Variants in SUFU observed in about 807,000 individuals in gnomAD.
SUFU encodes suppressor of fused homolog.
In SUFU, 7 loss-of-function variants were observed where a neutral mutation model predicts 58.9. That is an observed-to-expected ratio of 0.12 (90% CI 0.07 to 0.22). The LOEUF (loss-of-function observed/expected upper bound fraction) is 0.22. Ranked by LOEUF, SUFU falls within the 10% of genes least tolerant of loss-of-function variation. The probability of loss-of-function intolerance (pLI) is 1.00; values close to 1 mark genes in which losing one functional copy is unlikely to be tolerated. For missense variants in SUFU, 451 were observed against 641.3 expected (o/e 0.70, Z 3.20); for synonymous variants, 232 against 254.8 (o/e 0.91, Z 0.85).
chr10:102,523,468 C>T (rs559956197), intron 2 of SUFU, among the ~76,000 whole-genome samples: 9 of 152,256 alleles, frequency 5.9e-5, no homozygotes, highest in East Asian at 1.9e-4. Flanking sequence ...CCAGGGGGGT[C>T]GAGCTGGCTG....
At chr10:102,545,599 C>T (rs2062847344) in intron 2 of SUFU, among the ~76,000 whole-genome samples, 1 of 152,180 alleles carries the variant, frequency 6.6e-6, no homozygotes. Context: ...CACGTCCTCT[C>T]TAACACTTAC....
chr10:102,572,752 T>A, intron 3 of SUFU: 1 of 746,284 alleles, frequency 1.3e-6, no homozygotes, highest in Non-Finnish European at 2.5e-6. Flanking sequence ...CCAGCTGGAC[T>A]CAGTTTAAAT....
intron 2 of SUFU, among the ~76,000 whole-genome samples, chr10:102,538,661 G>A (rs1213437812): frequency 1.3e-5 from 2 of 151,722 alleles, no homozygotes; most frequent in African/African-American, 4.8e-5. Context: ...AGCCTCTCCC[G>A]CTGTCAACAT....
chr10:102,583,312 G>A (rs2063301637), intron 3 of SUFU, among the ~76,000 whole-genome samples: 1 of 152,202 alleles, frequency 6.6e-6, no homozygotes, highest in South Asian at 2.1e-4. Flanking sequence ...AGAAGTTTCT[G>A]TTAGTGTCCT....
chr10:102,508,094 T>C (rs1368034674), intron 1 of SUFU, among the ~76,000 whole-genome samples: 2 of 151,138 alleles, frequency 1.3e-5, no homozygotes, highest in African/African-American at 4.9e-5. Context: ...GCCTCTCAAA[T>C]AGCAAATAGC....
At chr10:102,562,853 T>G (rs1209556966) in intron 3 of SUFU, among the ~76,000 whole-genome samples, 1 of 152,194 alleles carries the variant, frequency 6.6e-6, no homozygotes, top group Non-Finnish European at 1.5e-5. Context: ...ATCGTGCCAT[T>G]GCACTCTAGC....
At chr10:102,567,516 G>A (rs2063103944) in intron 3 of SUFU, among the ~76,000 whole-genome samples, 2 of 152,114 alleles carry the variant, frequency 1.3e-5, no homozygotes, top group Non-Finnish European at 2.9e-5. Flanking sequence ...GTTCTTCCCA[G>A]GACTCAAGGA....
At chr10:102,535,713 C>T (rs905658804) in intron 2 of SUFU, among the ~76,000 whole-genome samples, 16 of 152,198 alleles carry the variant, frequency 1.1e-4, no homozygotes, top group African/African-American at 3.6e-4. Flanking sequence ...CAGTAGCCAC[C>T]GTGGCTGGCC....
chr10:102,624,747 G>A (rs2063771284), intron 10 of SUFU, among the ~76,000 whole-genome samples: 1 of 152,176 alleles, frequency 6.6e-6, no homozygotes, highest in Non-Finnish European at 1.5e-5. Context: ...ACCTTTGTCA[G>A]GGGAACCAGC....
At chr10:102,523,384 G>A (rs2062573118) in intron 2 of SUFU, among the ~76,000 whole-genome samples, 1 of 152,162 alleles carries the variant, frequency 6.6e-6, no homozygotes, top group Non-Finnish European at 1.5e-5. Flanking sequence ...TCAACATGAT[G>A]TCAGGCTGCC....
chr10:102,618,931 C>CGCGCGTGTGTGTGTGT (rs370307566), intron 10 of SUFU: 1 of 535,024 alleles, frequency 1.9e-6, no homozygotes, highest in African/African-American at 2.5e-5. Flanking sequence ...CCTCAGGTAG[C>CGCGCGTGTGTGTGTGT]GTGTGTGTGT....
At chr10:102,539,641 C>T (rs1176318313) in intron 2 of SUFU, among the ~76,000 whole-genome samples, 2 of 152,130 alleles carry the variant, frequency 1.3e-5, no homozygotes, top group African/African-American at 2.4e-5. Context: ...GGTGACTTCT[C>T]ATTTGATAAT....
chr10:102,620,543 C>G (rs1216181095), intron 10 of SUFU, among the ~76,000 whole-genome samples: 3 of 152,186 alleles, frequency 2.0e-5, no homozygotes, highest in African/African-American at 7.2e-5. Context: ...GAAGCCAGCT[C>G]CAGTTCCACA....
At chr10:102,550,248 G>A in intron 3 of SUFU, 142 bp downstream of exon 3, 1 of 1,377,198 alleles carries the variant, frequency 7.3e-7, no homozygotes, top group Non-Finnish European at 1.0e-6. Flanking sequence ...AGGATGGCTT[G>A]TTTTGCCTGG....
At chr10:102,560,386 A>G (rs1258080037) in intron 3 of SUFU, among the ~76,000 whole-genome samples, 3 of 152,186 alleles carry the variant, frequency 2.0e-5, no homozygotes, top group East Asian at 3.9e-4. Flanking sequence ...CCTGGCCAAC[A>G]TGATGAAACC....
intron 7 of SUFU, among the ~76,000 whole-genome samples, chr10:102,598,383 G>A (rs1182986285): frequency 2.0e-5 from 3 of 152,074 alleles, no homozygotes; most frequent in East Asian, 1.9e-4. Flanking sequence ...TTAAACTCCT[G>A]AGCTCAAAAC....
chr10:102,533,370 G>A (rs10883731), intron 2 of SUFU, among the ~76,000 whole-genome samples: 15,151 of 151,180 alleles, frequency 0.1, 1,222 homozygotes, highest in East Asian at 0.41. Flanking sequence ...CCAGGAGTTC[G>A]GGACCAGCCT....
rs1426586223 is a variant in SUFU, at chr10:102,625,858, CT to C, written c.1297-1316del. ...CGAGCCGTCCTGTGTGCTCACCTTC[CT>C]GTGTGCACTCCTTCCTTGTTATCTC... is the stretch of plus-strand genomic sequence containing the variant. On this transcript the variant is annotated intron_variant, in intron 10 of 11. Coordinates refer to ENST00000369902, the MANE Select transcript of SUFU (RefSeq NM_016169.4). The surrounding 1 kb of genome is among the most constrained non-coding windows in gnomAD (Gnocchi z 4.7). Among the ~76,000 whole-genome samples the C allele has an allele frequency of 6.6e-6, 1 of 152,200 alleles. No individual in the cohort carries two copies. Among genetic ancestry groups the C allele is most frequent in the East Asian group, 1.9e-4 (1 of 5,196 alleles).
At chr10:102,551,124 A>G (rs1360163860) in intron 3 of SUFU, among the ~76,000 whole-genome samples, 1 of 152,164 alleles carries the variant, frequency 6.6e-6, no homozygotes, top group Non-Finnish European at 1.5e-5. Flanking sequence ...CTCTGCCCGC[A>G]TTTCACACCT....
Sources: gnomAD v4.1 joint callset for allele counts (sites outside exome capture counted in the v4.1 genomes callset) on GRCh38, gnomAD v4.1.1 for gene constraint, Gnocchi (gnomAD v3.1) non-coding constraint, MANE v1.5 for transcripts, NCBI Gene and HGNC (gene_info 2026-07-23, HGNC 2026-07-21) for gene names.